TMOD1: variants seen among roughly 807,000 people sequenced by gnomAD.
TMOD1 encodes tropomodulin-1.
A neutral mutation model predicts 40.6 loss-of-function variants in TMOD1; 17 were observed. That is an observed-to-expected ratio of 0.42 (90% CI 0.29 to 0.63). The LOEUF is 0.63. TMOD1 is among the 20% of genes least tolerant of loss of function. The pLI, the probability that TMOD1 is intolerant of heterozygous loss-of-function variation, is 0.22. For missense variants in TMOD1, 391 were observed against 447.6 expected (o/e 0.87, Z 1.14); for synonymous variants, 181 against 175.0 (o/e 1.03, Z -0.27).
At chr9:97,547,564 C>G (rs1183793124) in intron 3 of TMOD1, among the ~76,000 whole-genome samples, 1 of 152,200 alleles carries the variant, frequency 6.6e-6, no homozygotes, top group Admixed American at 6.5e-5. Flanking sequence ...GAGTTCAGAT[C>G]TCTGTCAAGC....
upstream of TMOD1, chr9:97,501,618 G>A (rs1829501971): frequency 6.7e-6 from 1 of 148,434 alleles, no homozygotes. Context: ...GCCCGCCCCT[G>A]GCTCCCACCC....
intron 2 of TMOD1, among the ~76,000 whole-genome samples, chr9:97,541,673 G>A (rs945329604): frequency 6.6e-6 from 1 of 151,334 alleles, no homozygotes; most frequent in Admixed American, 6.6e-5. Context: ...GCACCACCAC[G>A]CCCGGCTAAT....
chr9:97,590,908 A>C (rs933341594), intron 8 of TMOD1, among the ~76,000 whole-genome samples: 18 of 152,198 alleles, frequency 1.2e-4, no homozygotes, highest in African/African-American at 4.1e-4. Context: ...CTCCCCAGAG[A>C]TTCTGATTCA....
rs1826232856 is a variant in TMOD1, at chr9:97,600,501, C to T, written c.*803C>T. The T allele has an allele frequency of 1.0e-6, 1 of 985,460 alleles. No individual in the cohort carries two copies. The highest frequency in any genetic ancestry group is 6.1e-5 in the Admixed American group (1 of 16,278). The allele number at this position is 985,460 out of a possible 1,614,324, so 61.0% of individuals were successfully genotyped here. ...TTATGATGGATGTGAAAATCTACGG[C>T]CAAATACTTTTGAAAACACCTTTCT... On this transcript the variant is annotated 3_prime_UTR_variant, in exon 10 of 10. Coordinates refer to ENST00000259365, the MANE Select transcript of TMOD1 (RefSeq NM_003275.4).
At position 97,531,570 on chromosome 9, in the gene TMOD1, C is replaced by T. The variant is rs138277335; in HGVS notation, c.120+7262C>T. Among the ~76,000 whole-genome samples, 5 of 152,194 alleles carry T rather than the reference C, an allele frequency of 3.3e-5. No individual in the cohort carries two copies. The East Asian group carries it at 9.7e-4, about 29-fold the overall frequency. On this transcript the variant is annotated intron_variant, in intron 2 of 9. Transcript: ENST00000259365. ...AGGTTGCAGTGAGCCAAGATCATGC[C>T]ACTGCACTCCAGCCTGGGTGACAGA...
chr9:97,551,511 C>A (rs4743106), intron 3 of TMOD1, among the ~76,000 whole-genome samples: 1 of 152,022 alleles, frequency 6.6e-6, no homozygotes, highest in Non-Finnish European at 1.5e-5. Flanking sequence ...ATCAATTTGC[C>A]ATAGATGTTT....
intron 8 of TMOD1, among the ~76,000 whole-genome samples, chr9:97,576,892 G>A (rs748476868): frequency 6.6e-6 from 1 of 152,084 alleles, no homozygotes; most frequent in East Asian, 1.9e-4. Flanking sequence ...GCCCACCTCG[G>A]CCTCCCAAAT....
chr9:97,527,509 C>G (rs1018233471), intron 2 of TMOD1, among the ~76,000 whole-genome samples: 4 of 152,128 alleles, frequency 2.6e-5, no homozygotes, highest in Non-Finnish European at 5.9e-5. Context: ...TTTTTTAATT[C>G]CATGCCGAGT....
intron 1 of TMOD1, among the ~76,000 whole-genome samples, chr9:97,515,328 G>A (rs1281383907): frequency 6.6e-6 from 1 of 152,062 alleles, no homozygotes; most frequent in Non-Finnish European, 1.5e-5. Context: ...TATCCAGGCT[G>A]GAGTGCAATG....
In TMOD1 at chr9:97,599,154, A is replaced by G. The variant is rs547320041; in HGVS notation, c.1016-480A>G. ...CCCGGGGAAAATGGCAAGGTTAAACATAAGGGGATACAGATACTGCAGGGT... is the reference window on the plus strand; with the variant it reads ...CCCGGGGAAAATGGCAAGGTTAAACGTAAGGGGATACAGATACTGCAGGGT... On this transcript the variant is annotated intron_variant, in intron 9 of 9. Coordinates refer to ENST00000259365, the MANE Select transcript of TMOD1 (RefSeq NM_003275.4). 1.4e-3 allele frequency among the ~76,000 whole-genome samples: 212 copies of G among 152,208 alleles called. 1 individual carries two copies. The highest frequency in any genetic ancestry group is 4.9e-3 in the African/African-American group (205 of 41,556).
At chr9:97,543,952 T>C (rs1470200964) in intron 2 of TMOD1, among the ~76,000 whole-genome samples, 2 of 152,216 alleles carry the variant, frequency 1.3e-5, no homozygotes, top group Non-Finnish European at 2.9e-5. Context: ...CTTATGTTCC[T>C]GATGCCCCCC....
Position 97,591,282 on chromosome 9 carries a change from T to C in TMOD1, c.871-9T>C. The C allele has an allele frequency of 6.2e-7, 1 of 1,610,438 alleles. No individual in the cohort carries two copies. Among genetic ancestry groups the C allele is most frequent in the African/African-American group, 1.3e-5 (1 of 74,736 alleles). ...TTATTTTTTATTTTTTATTTTTTCT[T>C]GACTAAAGAGCCAGCCCCTGGGCAA... On this transcript the variant is annotated splice_polypyrimidine_tract_variant and intron_variant, in intron 8 of 9. Coordinates refer to ENST00000259365, the MANE Select transcript of TMOD1 (RefSeq NM_003275.4).
At chr9:97,539,970 TCAAAA>T (rs1830250110) in intron 2 of TMOD1, among the ~76,000 whole-genome samples, 1 of 24,170 alleles carries the variant, frequency 4.1e-5, no homozygotes, top group African/African-American at 2.1e-4. Flanking sequence ...AGACTCTGTC[TCAAAA>T]AAAAAAAAAA....
At chr9:97,506,381 C>T (rs1829591706) in intron 1 of TMOD1, among the ~76,000 whole-genome samples, 1 of 152,172 alleles carries the variant, frequency 6.6e-6, no homozygotes, top group African/African-American at 2.4e-5. Flanking sequence ...TGACATAGTA[C>T]AGGCACTTCA....
chr9:97,592,839 A>C (rs1015924537), intron 9 of TMOD1, among the ~76,000 whole-genome samples: 1 of 152,200 alleles, frequency 6.6e-6, no homozygotes, highest in Non-Finnish European at 1.5e-5. Context: ...CTATTCATTC[A>C]TTGCTCACTG....
At chr9:97,539,971 C>CAAAAAAAAAAAA (rs34844299) in intron 2 of TMOD1, among the ~76,000 whole-genome samples, 3 of 71,956 alleles carry the variant, frequency 4.2e-5, no homozygotes, top group Non-Finnish European at 8.0e-5. Context: ...GACTCTGTCT[C>CAAAAAAAAAAAA]AAAAAAAAAA....
intron 9 of TMOD1, among the ~76,000 whole-genome samples, chr9:97,594,886 C>T (rs993428666): frequency 7.2e-5 from 11 of 152,242 alleles, no homozygotes; most frequent in African/African-American, 2.6e-4. Flanking sequence ...TCTGCCACTG[C>T]AGCTCTCTCC....
chr9:97,554,954 G>A (rs1381927097), intron 4 of TMOD1, among the ~76,000 whole-genome samples: 1 of 152,192 alleles, frequency 6.6e-6, no homozygotes. Flanking sequence ...AGGAGTGAAT[G>A]CGGAAAGCCA....
intron 3 of TMOD1, among the ~76,000 whole-genome samples, chr9:97,548,217 C>T (rs1336445470): frequency 6.6e-6 from 1 of 152,184 alleles, no homozygotes; most frequent in African/African-American, 2.4e-5. Context: ...CTGTGGCTGG[C>T]TCCCCTGTAT....
Sources: gnomAD v4.1 joint callset for allele counts (sites outside exome capture counted in the v4.1 genomes callset) on GRCh38, gnomAD v4.1.1 for gene constraint, MANE v1.5 for transcripts, NCBI Gene and HGNC (gene_info 2026-07-23, HGNC 2026-07-21) for gene names.